Variants in CNTN4 observed in about 807,000 individuals in gnomAD.
CNTN4 encodes the protein contactin 4.
In CNTN4, 77 loss-of-function variants were observed where a neutral mutation model predicts 122.5. The ratio of observed to expected loss-of-function variants is 0.63; its 90% CI spans 0.52 to 0.76. The LOEUF (loss-of-function observed/expected upper bound fraction) is 0.76. Among genes scored for constraint, CNTN4 ranks in the 30% least tolerant of loss-of-function variants. The pLI is 0.00. For synonymous variants in CNTN4, 512 were observed against 447.0 expected (o/e 1.15, Z -1.83); for missense variants, 1,256 against 1,259.1 (o/e 1.00, Z 0.04).
intron 2 of CNTN4, among the ~76,000 whole-genome samples, chr3:2,323,073 T>A (rs1186436090): frequency 1.3e-5 from 2 of 152,160 alleles, no homozygotes; most frequent in Admixed American, 1.3e-4. Context: ...GGTATTTTTC[T>A]TGCAAGAGCT....
At chr3:2,561,393 C>T (rs1282003408) in intron 3 of CNTN4, among the ~76,000 whole-genome samples, 2 of 152,132 alleles carry the variant, frequency 1.3e-5, no homozygotes, top group Non-Finnish European at 2.9e-5. Context: ...CTTCCCAGTA[C>T]CCAGAAAGCA....
intron 2 of CNTN4, among the ~76,000 whole-genome samples, chr3:2,141,235 C>T (rs2034979120): frequency 1.3e-5 from 2 of 152,162 alleles, no homozygotes; most frequent in Admixed American, 1.3e-4. Context: ...AAAAGGGACT[C>T]TGCCAATATG....
chr3:2,781,728 T>A (rs1007107606), intron 6 of CNTN4, among the ~76,000 whole-genome samples: 239 of 138,616 alleles, frequency 1.7e-3, no homozygotes, highest in Admixed American at 3.5e-3. Flanking sequence ...TTTTTTTTTT[T>A]TTTTTTTTTT....
intron 2 of CNTN4, among the ~76,000 whole-genome samples, chr3:2,257,578 A>C (rs2040650612): frequency 6.6e-6 from 1 of 152,348 alleles, no homozygotes; most frequent in East Asian, 1.9e-4. Context: ...AAAGAACTTA[A>C]AGAAATTTAC....
intron 3 of CNTN4, among the ~76,000 whole-genome samples, chr3:2,342,866 C>G (rs775643718): frequency 1.3e-5 from 2 of 152,108 alleles, no homozygotes; most frequent in Non-Finnish European, 2.9e-5. Context: ...TAAGAAATAC[C>G]TAGAATAGGC....
intron 6 of CNTN4, among the ~76,000 whole-genome samples, chr3:2,780,643 C>T (rs1341489171): frequency 1.3e-5 from 2 of 152,184 alleles, no homozygotes; most frequent in Admixed American, 1.3e-4. Flanking sequence ...TCACGCTAGC[C>T]TACCTCACTC....
At chr3:2,315,743 C>T (rs963091291) in intron 2 of CNTN4, among the ~76,000 whole-genome samples, 2 of 151,854 alleles carry the variant, frequency 1.3e-5, no homozygotes, top group Non-Finnish European at 2.9e-5. Context: ...CAGTAATGAA[C>T]ATTAGTAAGA....
At chr3:2,641,157 C>T (rs903966390) in intron 4 of CNTN4, among the ~76,000 whole-genome samples, 31 of 152,012 alleles carry the variant, frequency 2.0e-4, no homozygotes, top group African/African-American at 4.6e-4. Flanking sequence ...ATGCACCAAA[C>T]GCATTACATT....
intron 4 of CNTN4, among the ~76,000 whole-genome samples, chr3:2,591,216 C>T (rs74911028): frequency 6.6e-6 from 1 of 152,090 alleles, no homozygotes; most frequent in Non-Finnish European, 1.5e-5. Flanking sequence ...TCACATTGTC[C>T]AGATGTTCAA....
At position 3,037,187 on chromosome 3, in the gene CNTN4, C is replaced by G. The variant is rs763626772; in HGVS notation, c.1951C>G (p.Leu651Val). 5.6e-6 allele frequency: 9 copies of G among 1,614,074 alleles called. No homozygotes were observed. The African/African-American group carries it at 6.7e-5, about 12-fold the overall frequency. Reference protein sequence around the residue: ...GWQAVSTVPELIDGKTFTATV... With the variant: ...GWQAVSTVPEVIDGKTFTATV... ...CTTTTGTTGTCTTTCAGTCCCAGAA[C>G]TCATTGATGGGAAGACATTCACAGC... The change falls in exon 18 of 25, where the codon CTC (leucine) becomes GTC (valine). Residue 651 changes from leucine (L) to valine (V), a missense_variant. Coordinates refer to ENST00000418658, the MANE Select transcript of CNTN4 (RefSeq NM_175607.3).
chr3:3,009,901 G>C (rs1017756808), intron 14 of CNTN4, among the ~76,000 whole-genome samples: 1 of 151,234 alleles, frequency 6.6e-6, no homozygotes, highest in Non-Finnish European at 1.5e-5. Flanking sequence ...CCATTTCCTT[G>C]TGGAACTCCC....
At chr3:2,900,339 C>T (rs955820635) in intron 10 of CNTN4, among the ~76,000 whole-genome samples, 2 of 151,988 alleles carry the variant, frequency 1.3e-5, no homozygotes, top group East Asian at 1.9e-4. Context: ...ATATACCAGC[C>T]TGGTTAAAAG....
rs757260296 is a variant in CNTN4 at position 2,180,980 on chromosome 3, C to T, written c.-145+80341C>T. On this transcript the variant is annotated intron_variant, in intron 2 of 24. Coordinates refer to ENST00000418658, the MANE Select transcript of CNTN4 (RefSeq NM_175607.3). ...CATCTGGTTGCTACTCATGATTAGA[C>T]TGGATTCATTGTGTTTAATTTCTTA... Among the ~76,000 whole-genome samples the T allele has an allele frequency of 1.1e-4, 16 of 152,032 alleles. 1 individual carries two copies. The highest frequency in any genetic ancestry group is 1.8e-4 in the Non-Finnish European group (12 of 67,970).
At chr3:2,337,014 C>A (rs2043979614) in intron 2 of CNTN4, among the ~76,000 whole-genome samples, 2 of 152,116 alleles carry the variant, frequency 1.3e-5, no homozygotes, top group Non-Finnish European at 2.9e-5. Flanking sequence ...TCACGTAGAA[C>A]ATAGGGCTGG....
At chr3:2,432,660 G>T (rs1199190449) in intron 3 of CNTN4, among the ~76,000 whole-genome samples, 3 of 151,810 alleles carry the variant, frequency 2.0e-5, no homozygotes. Flanking sequence ...ATATATGTGT[G>T]TGTATATATA....
chr3:3,009,599 A>C (rs753380788), intron 14 of CNTN4, among the ~76,000 whole-genome samples: 4 of 151,664 alleles, frequency 2.6e-5, no homozygotes, highest in Non-Finnish European at 5.9e-5. Context: ...ACGCCCGGCT[A>C]ATTTTTTGTA....
At chr3:2,778,249 T>TAAAG (rs1553636953) in intron 6 of CNTN4, among the ~76,000 whole-genome samples, 1 of 127,148 alleles carries the variant, frequency 7.9e-6, no homozygotes, top group Non-Finnish European at 1.8e-5. Context: ...AATAAATAAA[T>TAAAG]AAATAAAATA....
chr3:2,710,622 C>T (rs1448534606), intron 4 of CNTN4, among the ~76,000 whole-genome samples: 2 of 152,024 alleles, frequency 1.3e-5, no homozygotes, highest in African/African-American at 4.8e-5. Flanking sequence ...GGTCTGTCTT[C>T]AACTAATTTT....
chr3:2,421,831 A>G (rs1315974566), intron 3 of CNTN4, among the ~76,000 whole-genome samples: 3 of 152,190 alleles, frequency 2.0e-5, no homozygotes, highest in Non-Finnish European at 2.9e-5. Context: ...TTGAGCTAAC[A>G]ATGCTATTCT....
Sources: gnomAD v4.1 joint callset for allele counts (sites outside exome capture counted in the v4.1 genomes callset) on GRCh38, gnomAD v4.1.1 for gene constraint, MANE v1.5 for transcripts, NCBI Gene and HGNC (gene_info 2026-07-23, HGNC 2026-07-21) for gene names.